The following DLG2 variants were observed in gnomAD, a reference collection of about 807,000 sequenced individuals.
DLG2 encodes the protein disks large homolog 2.
DLG2 carries 45 observed loss-of-function variants against 132.5 expected under a neutral mutation model. That is an observed-to-expected ratio of 0.34 (90% CI 0.27 to 0.44). The LOEUF is 0.44. Among genes scored for constraint, DLG2 ranks in the 20% least tolerant of loss-of-function variants. DLG2 has a pLI of 1.00. For missense variants in DLG2, 1,045 were observed against 1,196.9 expected (o/e 0.87, Z 1.87); for synonymous variants, 424 against 419.6 (o/e 1.01, Z -0.13).
At chr11:84,108,108 C>T (rs1476518991) in intron 9 of DLG2, among the ~76,000 whole-genome samples, 1 of 152,046 alleles carries the variant, frequency 6.6e-6, no homozygotes, top group Non-Finnish European at 1.5e-5. Flanking sequence ...AGGGAAGATA[C>T]TCAGACTGGA....
At chr11:84,189,192 G>T (rs923308597) in intron 8 of DLG2, among the ~76,000 whole-genome samples, 1 of 152,054 alleles carries the variant, frequency 6.6e-6, no homozygotes, top group Admixed American at 6.6e-5. Context: ...AAGTCAACAA[G>T]ACATACATGC....
chr11:85,153,774 C>T (rs1187091580), intron 5 of DLG2, among the ~76,000 whole-genome samples: 1 of 151,992 alleles, frequency 6.6e-6, no homozygotes, highest in Non-Finnish European at 1.5e-5. Context: ...CAATTTATTT[C>T]AATAGCATGA....
chr11:84,506,011 G>C (rs2099238434), intron 7 of DLG2, among the ~76,000 whole-genome samples: 1 of 151,706 alleles, frequency 6.6e-6, no homozygotes, highest in African/African-American at 2.4e-5. Context: ...ATTAAATTAA[G>C]GACCTTGAGA....
At chr11:85,176,782 TA>T (rs1226833975) in intron 4 of DLG2, among the ~76,000 whole-genome samples, 5 of 151,432 alleles carry the variant, frequency 3.3e-5, no homozygotes, top group African/African-American at 1.2e-4. Context: ...ACAACTCAAT[TA>T]AAAAGTAGGC....
intron 8 of DLG2, among the ~76,000 whole-genome samples, chr11:84,193,860 T>C (rs1056557724): frequency 6.6e-6 from 1 of 152,206 alleles, no homozygotes; most frequent in Non-Finnish European, 1.5e-5. Flanking sequence ...ATCCAATTAC[T>C]CTACCTTTGG....
intron 17 of DLG2, among the ~76,000 whole-genome samples, chr11:83,830,129 A>T (rs933288914): frequency 1.3e-5 from 2 of 152,246 alleles, no homozygotes; most frequent in African/African-American, 2.4e-5. Flanking sequence ...CTCAACTGAA[A>T]AAAGCAGATA....
intron 3 of DLG2, among the ~76,000 whole-genome samples, chr11:85,525,813 G>A (rs980036153): frequency 2.0e-5 from 3 of 152,152 alleles, no homozygotes; most frequent in Non-Finnish European, 4.4e-5. Flanking sequence ...AGATGAAGCT[G>A]GGAATCTGCA....
intron 3 of DLG2, among the ~76,000 whole-genome samples, chr11:85,442,852 C>G (rs1053755815): frequency 9.9e-5 from 15 of 151,798 alleles, no homozygotes; most frequent in African/African-American, 3.1e-4. Context: ...ACACTCCAAC[C>G]TTAGCAAAAG....
At chr11:85,362,329 T>TTTTG (rs551045981) in intron 3 of DLG2, among the ~76,000 whole-genome samples, 1 of 152,110 alleles carries the variant, frequency 6.6e-6, no homozygotes, top group Non-Finnish European at 1.5e-5. Flanking sequence ...TGTCCCTAGG[T>TTTTG]TTTGTTTGTT....
chr11:83,810,704 C>G (rs951800495), intron 17 of DLG2, among the ~76,000 whole-genome samples: 1 of 152,218 alleles, frequency 6.6e-6, no homozygotes, highest in Non-Finnish European at 1.5e-5. Flanking sequence ...GAGCTATGAA[C>G]CTATTCTGCC....
At chr11:85,364,788 G>C (rs2084412737) in intron 3 of DLG2, among the ~76,000 whole-genome samples, 1 of 152,060 alleles carries the variant, frequency 6.6e-6, no homozygotes, top group African/African-American at 2.4e-5. Context: ...TGTGATTTCA[G>C]ATAGATTTTC....
intron 12 of DLG2, among the ~76,000 whole-genome samples, chr11:83,979,950 GATTT>G (rs1020713379): frequency 3.9e-5 from 6 of 152,142 alleles, no homozygotes; most frequent in African/African-American, 1.4e-4. Flanking sequence ...TGAAAATTTA[GATTT>G]GTTTTGAAAA....
At chr11:83,960,478 T>C (rs901536009) in intron 14 of DLG2, among the ~76,000 whole-genome samples, 5 of 152,026 alleles carry the variant, frequency 3.3e-5, no homozygotes, top group African/African-American at 4.8e-5. Flanking sequence ...TAATAAATAA[T>C]TGCCAAATTC....
chr11:84,935,235 A>C (rs867415448), intron 6 of DLG2, among the ~76,000 whole-genome samples: 20 of 152,204 alleles, frequency 1.3e-4, no homozygotes, highest in Admixed American at 2.6e-4. Flanking sequence ...GAAATCACCT[A>C]AATGTTTTCC....
chr11:83,770,427 G>A (rs1044885704), intron 18 of DLG2, among the ~76,000 whole-genome samples: 1 of 152,018 alleles, frequency 6.6e-6, no homozygotes, highest in Non-Finnish European at 1.5e-5. Context: ...CTAAGCCCCA[G>A]AGGATGAAAC....
chr11:85,501,949 C>T (rs186129538), intron 3 of DLG2, among the ~76,000 whole-genome samples: 37 of 152,186 alleles, frequency 2.4e-4, no homozygotes, highest in Admixed American at 6.5e-4. Context: ...AATCATTCTA[C>T]GATAAAGACA....
At chr11:84,218,553 G>A (rs1037124693) in intron 8 of DLG2, among the ~76,000 whole-genome samples, 1 of 152,142 alleles carries the variant, frequency 6.6e-6, no homozygotes, top group Non-Finnish European at 1.5e-5. Flanking sequence ...CTGAAGCAAG[G>A]CTTTTAAGAA....
intron 6 of DLG2, among the ~76,000 whole-genome samples, chr11:84,925,017 C>T (rs1046289473): frequency 6.6e-6 from 1 of 152,180 alleles, no homozygotes; most frequent in Admixed American, 6.5e-5. Context: ...AATATAACAA[C>T]TCAATGCCAT....
chr11:84,140,092 T>C (rs1394210807), intron 9 of DLG2, among the ~76,000 whole-genome samples: 1 of 152,080 alleles, frequency 6.6e-6, no homozygotes, highest in Non-Finnish European at 1.5e-5. Context: ...TTAACTGAAA[T>C]TGTATGATAT....
Sources: allele counts gnomAD v4.1 joint callset (sites outside exome capture counted in the v4.1 genomes callset), GRCh38; gene constraint gnomAD v4.1.1; transcripts MANE v1.5; gene names NCBI Gene and HGNC (gene_info 2026-07-23, HGNC 2026-07-21).